RSPO4: variants seen among roughly 807,000 people sequenced by gnomAD.
RSPO4 encodes R-spondin-4.
RSPO4 carries 23 observed loss-of-function variants against 24.8 expected under a neutral mutation model. That is an observed-to-expected ratio of 0.93 (90% CI 0.67 to 1.31). The LOEUF is 1.31. Ranked by LOEUF, RSPO4 falls within the 40% of genes most tolerant of loss-of-function variation. The pLI is 0.00. For synonymous variants in RSPO4, 141 were observed against 127.4 expected (o/e 1.11, Z -0.72); for missense variants, 333 against 316.5 (o/e 1.05, Z -0.39).
chr20:968,028 G>C lies in RSPO4; in HGVS notation c.190C>G (p.Arg64Gly). 1 of 1,614,236 alleles carries C rather than the reference G, an allele frequency of 6.2e-7. No individual in the cohort carries two copies. Among genetic ancestry groups the C allele is most frequent in the South Asian group, 1.1e-5 (1 of 91,086 alleles). ...LFLFIRREGI[R>G]QYGKCLHDCP... is the part of the protein sequence containing the mutation. ...TCGTGCAGGCACTTGCCGTACTGGC[G>C]GATGCCTTCCCGGCGGATGAACAGG... Residue 64 changes from arginine to glycine, a missense_variant, in exon 2 of 5, where the codon CGC becomes GGC. Physicochemically the swap from Arg to Gly is moderately radical, Grantham distance 125. Transcript: ENST00000217260.
chr20:987,287 T>C (rs1156314125), intron 1 of RSPO4, among the ~76,000 whole-genome samples: 1 of 152,136 alleles, frequency 6.6e-6, no homozygotes, highest in Non-Finnish European at 1.5e-5. Context: ...CTGAGGATGG[T>C]TGGGGCACTG....
In RSPO4 at chr20:981,970, T is replaced by C. The variant is rs1006621167; in HGVS notation, c.80-13832A>G. ...TGGACCACATCTATTCTGCCCTCCATTAGCTACTCATTAAGAGAAGTTACA... is the reference window on the plus strand; with the variant it reads ...TGGACCACATCTATTCTGCCCTCCACTAGCTACTCATTAAGAGAAGTTACA... On this transcript the variant is annotated intron_variant, in intron 1 of 4. Coordinates refer to ENST00000217260, the MANE Select transcript of RSPO4 (RefSeq NM_001029871.4). This position sits in a 1 kb window ranked among gnomAD's most constrained non-coding sequence, Gnocchi z 4.6. Among the ~76,000 whole-genome samples, 3 of 152,304 alleles carry C rather than the reference T, an allele frequency of 2.0e-5. No homozygotes were observed. Among genetic ancestry groups the C allele is most frequent in the South Asian group, 2.1e-4 (1 of 4,814 alleles).
intron 1 of RSPO4, among the ~76,000 whole-genome samples, 172 bp from the exon 2 acceptor site, chr20:968,310 C>A (rs985042397): frequency 4.6e-5 from 7 of 152,268 alleles, no homozygotes; most frequent in African/African-American, 1.7e-4. Flanking sequence ...ATGTGACCAA[C>A]ATCTGGCCAA....
chr20:1,001,170 T>A (rs1358169777), intron 1 of RSPO4, among the ~76,000 whole-genome samples: 1 of 152,214 alleles, frequency 6.6e-6, no homozygotes, highest in African/African-American at 2.4e-5. Flanking sequence ...TTTGATGAGC[T>A]AGGACATGAA....
chr20:978,118 C>T (rs1283986169), intron 1 of RSPO4, among the ~76,000 whole-genome samples: 4 of 152,146 alleles, frequency 2.6e-5, no homozygotes, highest in Admixed American at 6.5e-5. Flanking sequence ...CCCACTGGAC[C>T]CTTCTCAGCA....
intron 3 of RSPO4, among the ~76,000 whole-genome samples, chr20:965,185 T>TGG (rs1984155566): frequency 6.8e-6 from 1 of 148,142 alleles, no homozygotes; most frequent in Non-Finnish European, 1.5e-5. Context: ...GCAGGCACCG[T>TGG]GGGAGCCCAG....
chr20:1,000,236 A>G (rs1171303223), intron 1 of RSPO4, among the ~76,000 whole-genome samples: 3 of 152,118 alleles, frequency 2.0e-5, no homozygotes, highest in Non-Finnish European at 4.4e-5. Context: ...ACCTCAGAAG[A>G]TATCTTCTCA....
At chr20:988,830 C>T (rs930879730) in intron 1 of RSPO4, among the ~76,000 whole-genome samples, 3 of 152,164 alleles carry the variant, frequency 2.0e-5, no homozygotes, top group African/African-American at 7.2e-5. Flanking sequence ...GGATAACAGG[C>T]GAGAGCCACT....
At chr20:1,000,673 G>C (rs74865102) in intron 1 of RSPO4, among the ~76,000 whole-genome samples, 2,999 of 152,286 alleles carry the variant, frequency 0.02, 51 homozygotes, top group Middle Eastern at 0.11. Context: ...TTGGTAACTG[G>C]GGAAGCTGGG....
chr20:986,814 T>G (rs1236492062), intron 1 of RSPO4, among the ~76,000 whole-genome samples: 1 of 151,904 alleles, frequency 6.6e-6, no homozygotes, highest in Admixed American at 6.6e-5. Flanking sequence ...GATCCAAGTG[T>G]GTGGAGGGAG....
intron 1 of RSPO4, among the ~76,000 whole-genome samples, chr20:1,001,551 A>C (rs928628144): frequency 2.6e-5 from 4 of 152,126 alleles, no homozygotes; most frequent in Non-Finnish European, 4.4e-5. Context: ...AGTGAACCTG[A>C]ACTCAGGTCT....
chr20:971,440 A>T (rs570590573), intron 1 of RSPO4, among the ~76,000 whole-genome samples: 8 of 152,364 alleles, frequency 5.3e-5, no homozygotes, highest in Non-Finnish European at 8.8e-5. Flanking sequence ...AATAGCAAAC[A>T]ACTGCAAAAA....
chr20:964,711 TATATATATACAC>T (rs1197790453), intron 3 of RSPO4, among the ~76,000 whole-genome samples: 3 of 148,990 alleles, frequency 2.0e-5, no homozygotes, highest in Non-Finnish European at 3.0e-5. Flanking sequence ...CACACACACA[TATATATATACAC>T]ATATATATAC....
chr20:964,228 G>A, intron 3 of RSPO4, 108 bp from the exon 4 acceptor site: 1 of 811,164 alleles, frequency 1.2e-6, no homozygotes, highest in South Asian at 1.8e-5. Context: ...TCTGAAGACT[G>A]AAGACACCAC....
chr20:982,203 G>A (rs1309014863), intron 1 of RSPO4, among the ~76,000 whole-genome samples: 1 of 152,186 alleles, frequency 6.6e-6, no homozygotes, highest in Non-Finnish European at 1.5e-5. Context: ...CACCTGCCCA[G>A]AGCTAGTGCC....
chr20:995,905 A>C (rs1985266449), intron 1 of RSPO4, among the ~76,000 whole-genome samples: 1 of 152,180 alleles, frequency 6.6e-6, no homozygotes, highest in Non-Finnish European at 1.5e-5. Context: ...ACACTCACAT[A>C]CATCCACATA....
intron 1 of RSPO4, among the ~76,000 whole-genome samples, chr20:994,769 G>A (rs566597561): frequency 6.6e-6 from 1 of 152,220 alleles, no homozygotes; most frequent in African/African-American, 2.4e-5. Context: ...TCACCATGTT[G>A]GCCAGGCTGG....
rs1018359504 is a variant in RSPO4 at position 995,348 on chromosome 20, C to T, written c.79+6738G>A. 4.6e-5 allele frequency among the ~76,000 whole-genome samples: 7 copies of T among 152,132 alleles called. No individual in the cohort carries two copies. The South Asian group carries it at 8.3e-4, about 18-fold the overall frequency. ...ACCCAGCTCACACATGTATTTGCGA[C>T]GTTACTTTGGATAAGCCAGTTCCCC... On this transcript the variant is annotated intron_variant, in intron 1 of 4. Transcript: ENST00000217260.
intron 1 of RSPO4, among the ~76,000 whole-genome samples, chr20:987,172 C>T (rs1984947426): frequency 6.6e-6 from 1 of 152,196 alleles, no homozygotes; most frequent in Admixed American, 6.5e-5. Context: ...TTCTTTATCT[C>T]CAGCCAGCTG....
Sources: allele counts gnomAD v4.1 joint callset (sites outside exome capture counted in the v4.1 genomes callset), GRCh38; gene constraint gnomAD v4.1.1; non-coding constraint Gnocchi (gnomAD v3.1); transcripts MANE v1.5; gene names NCBI Gene and HGNC (gene_info 2026-07-23, HGNC 2026-07-21).